Variants in ZNF704 observed in about 807,000 individuals in gnomAD.
ZNF704 encodes glucocorticoid induced gene 1.
A neutral mutation model predicts 44.7 loss-of-function variants in ZNF704; 10 were observed. The ratio of observed to expected loss-of-function variants is 0.22; its 90% confidence interval spans 0.14 to 0.38. ZNF704 has a LOEUF of 0.38. Among genes scored for constraint, ZNF704 ranks in the 10% least tolerant of loss-of-function variants. The pLI, the probability that ZNF704 is intolerant of heterozygous loss-of-function variation, is 1.00. For missense variants in ZNF704, 390 were observed against 545.5 expected, an observed-to-expected ratio of 0.71 and a Z score of 2.84; for synonymous variants, 211 against 207.6, an observed-to-expected ratio of 1.02 and a Z score of -0.14.
chr8:80,864,581 A>C (rs1339262484), intron 1 of ZNF704, among the ~76,000 whole-genome samples: 1 of 152,218 alleles, frequency 6.6e-6, no homozygotes, highest in Non-Finnish European at 1.5e-5. Context: ...ATTAATTACC[A>C]AGCCCTTTTC....
intron 2 of ZNF704, among the ~76,000 whole-genome samples, chr8:80,807,003 G>A (rs963929291): frequency 3.3e-5 from 5 of 152,174 alleles, no homozygotes; most frequent in African/African-American, 1.2e-4. Flanking sequence ...ACATATGCAG[G>A]AGCAACCTTG....
chr8:80,697,285 C>G (rs548052312), intron 2 of ZNF704, among the ~76,000 whole-genome samples: 1 of 152,032 alleles, frequency 6.6e-6, no homozygotes, highest in East Asian at 1.9e-4. Context: ...TTCATGAACC[C>G]GGGAGTAAGG....
chr8:80,772,486 T>A (rs1014990346), intron 2 of ZNF704, among the ~76,000 whole-genome samples: 3 of 152,080 alleles, frequency 2.0e-5, no homozygotes, highest in African/African-American at 7.2e-5. Flanking sequence ...AGCAGGCACA[T>A]CTTACATGGC....
Position 80,639,785 on chromosome 8 carries a change from T to G in ZNF704, c.*1581A>C, listed in dbSNP as rs1368016319. 6.6e-6 allele frequency: 1 copy of G among 152,656 alleles called. No individual in the cohort carries two copies. The highest frequency in any genetic ancestry group is 1.5e-5 in the Non-Finnish European group (1 of 68,044). 9.5% of individuals were successfully genotyped at this position (152,656 alleles called of 1,614,324 possible). On this transcript the variant is annotated 3_prime_UTR_variant, in exon 9 of 9. Coordinates refer to ENST00000327835, the MANE Select transcript of ZNF704 (RefSeq NM_001033723.3). ...CTTAAAAAAGTGTATGTATAATCTC[T>G]AGACATATATTAAACTTTCCTCTGT...
At chr8:80,680,087 T>C (rs1818429394) in intron 4 of ZNF704, among the ~76,000 whole-genome samples, 1 of 152,170 alleles carries the variant, frequency 6.6e-6, no homozygotes, top group Non-Finnish European at 1.5e-5. Flanking sequence ...ACTTGGAATA[T>C]ACGAAGTAGC....
chr8:80,647,113 C>A (rs1014143773), intron 7 of ZNF704, among the ~76,000 whole-genome samples: 5 of 152,172 alleles, frequency 3.3e-5, no homozygotes, highest in Non-Finnish European at 5.9e-5. Flanking sequence ...TAGCTGTGAA[C>A]AAAACAAATT....
intron 2 of ZNF704, among the ~76,000 whole-genome samples, chr8:80,807,868 C>T (rs1438561088): frequency 6.6e-6 from 1 of 152,178 alleles, no homozygotes; most frequent in Non-Finnish European, 1.5e-5. Flanking sequence ...GCTTTTACCT[C>T]GTTTTAACCT....
In ZNF704 at chr8:80,633,839, T is replaced by G. The variant is rs1817624830; in HGVS notation, c.*7527A>C. ...TTTAAAATAACTTAGTCCATCTAAA[T>G]GAAGGAAGCAACTTCTAATTTTTTT... On this transcript the variant is annotated 3_prime_UTR_variant, in exon 9 of 9. Transcript: ENST00000327835. The G allele has an allele frequency of 6.6e-6, 1 of 152,244 alleles. No homozygotes were observed. The highest frequency in any genetic ancestry group is 1.5e-5 in the Non-Finnish European group (1 of 68,040). The allele number at this position is 152,244 out of a possible 1,614,324, so 9.4% of individuals were successfully genotyped here. A position where few individuals can be genotyped will look rare whatever the true frequency, so the allele number is the denominator to read the frequency against.
chr8:80,851,364 A>T (rs1173384629), intron 1 of ZNF704, among the ~76,000 whole-genome samples: 1 of 152,342 alleles, frequency 6.6e-6, no homozygotes, highest in East Asian at 1.9e-4. Flanking sequence ...AATGTGGCAC[A>T]TATACACCAT....
chr8:80,767,461 A>C (rs1807246766), intron 2 of ZNF704, among the ~76,000 whole-genome samples: 1 of 152,188 alleles, frequency 6.6e-6, no homozygotes, highest in African/African-American at 2.4e-5. Flanking sequence ...TAAACAAATA[A>C]GAATAATTCA....
intron 2 of ZNF704, among the ~76,000 whole-genome samples, chr8:80,737,949 T>G (rs1438436704): frequency 6.6e-6 from 1 of 152,220 alleles, no homozygotes; most frequent in Non-Finnish European, 1.5e-5. Flanking sequence ...TAAATTGCAT[T>G]TAGTTGGCAT....
At chr8:80,870,115 A>C (rs1809226227) in intron 1 of ZNF704, among the ~76,000 whole-genome samples, 2 of 152,326 alleles carry the variant, frequency 1.3e-5, no homozygotes, top group Non-Finnish European at 2.9e-5. Context: ...GAGACTCTTC[A>C]CAGAAAACCT....
chr8:80,800,569 T>G (rs1002533826), intron 2 of ZNF704, among the ~76,000 whole-genome samples: 4 of 152,124 alleles, frequency 2.6e-5, no homozygotes, highest in Non-Finnish European at 5.9e-5. Flanking sequence ...TTAAACTTCA[T>G]AAGCAAAGGA....
At chr8:80,667,144 T>G (rs899965964) in intron 5 of ZNF704, among the ~76,000 whole-genome samples, 3 of 152,092 alleles carry the variant, frequency 2.0e-5, no homozygotes, top group Non-Finnish European at 2.9e-5. Flanking sequence ...TGGGTGGGCC[T>G]GGCAGAGAGG....
chr8:80,676,388 CAGA>C (rs1818366110), intron 4 of ZNF704, among the ~76,000 whole-genome samples: 1 of 152,152 alleles, frequency 6.6e-6, no homozygotes, highest in African/African-American at 2.4e-5. Context: ...TGAGGTTCTT[CAGA>C]AGGTCAGGAG....
At chr8:80,648,782 T>C (rs941448463) in intron 7 of ZNF704, among the ~76,000 whole-genome samples, 4 of 152,146 alleles carry the variant, frequency 2.6e-5, no homozygotes, top group East Asian at 1.9e-4. Context: ...ATTTTATAGA[T>C]GAGAAAATGG....
chr8:80,650,481 G>A (rs1817900425), intron 7 of ZNF704, among the ~76,000 whole-genome samples: 1 of 152,202 alleles, frequency 6.6e-6, no homozygotes, highest in Non-Finnish European at 1.5e-5. Flanking sequence ...AGGACCTGTT[G>A]GAACTGAAAA....
intron 1 of ZNF704, among the ~76,000 whole-genome samples, chr8:80,832,675 A>C (rs1012833839): frequency 6.6e-6 from 1 of 152,114 alleles, no homozygotes; most frequent in Non-Finnish European, 1.5e-5. Context: ...GTAGTTTAGA[A>C]ATTCTAAAGA....
chr8:80,846,371 T>C (rs757405602), intron 1 of ZNF704, among the ~76,000 whole-genome samples: 3 of 149,396 alleles, frequency 2.0e-5, no homozygotes, highest in Non-Finnish European at 4.4e-5. Flanking sequence ...ACTTATTGAG[T>C]AACCCAGCTT....
Sources: gnomAD v4.1 joint callset for allele counts (sites outside exome capture counted in the v4.1 genomes callset) on GRCh38, gnomAD v4.1.1 for gene constraint, MANE v1.5 for transcripts, NCBI Gene and HGNC (gene_info 2026-07-23, HGNC 2026-07-21) for gene names.